Variants in DPF3 observed in about 807,000 individuals in gnomAD.
DPF3 encodes double PHD fingers 3, also known as zinc finger protein DPF3.
Under a neutral mutation model 56.8 loss-of-function variants are expected in DPF3, and 18 were observed. The observed-to-expected ratio is 0.32, with a 90% CI of 0.22 to 0.47. DPF3 has a LOEUF of 0.47. Ranked by LOEUF, DPF3 falls within the 20% of genes least tolerant of loss-of-function variation. DPF3 has a pLI of 1.00. For missense variants in DPF3, 403 were observed against 488.8 expected (o/e 0.82, Z 1.65); for synonymous variants, 188 against 180.2 (o/e 1.04, Z -0.35).
chr14:72,793,197 C>G (rs933771851), intron 1 of DPF3, among the ~76,000 whole-genome samples: 1 of 152,188 alleles, frequency 6.6e-6, no homozygotes, highest in Non-Finnish European at 1.5e-5. Context: ...TGAAGGAGAT[C>G]TGGAAAGAAA....
At chr14:72,866,296 C>T (rs1429339548) in intron 1 of DPF3, among the ~76,000 whole-genome samples, 1 of 137,790 alleles carries the variant, frequency 7.3e-6, no homozygotes, top group African/African-American at 2.6e-5. Context: ...ATTAATCACC[C>T]TCAACATTCA....
chr14:72,828,942 G>A (rs143768322), intron 1 of DPF3, among the ~76,000 whole-genome samples: 45 of 152,338 alleles, frequency 3.0e-4, no homozygotes, highest in African/African-American at 9.4e-4. Context: ...TCCCACTGGA[G>A]ATAGGAGGAA....
chr14:72,680,674 C>T (rs1197278665), intron 7 of DPF3, among the ~76,000 whole-genome samples: 6 of 152,258 alleles, frequency 3.9e-5, no homozygotes, highest in African/African-American at 1.4e-4. Context: ...CTGTCACACT[C>T]CGCACCGTCA....
At chr14:72,635,757 T>C (rs1428280803) in intron 8 of DPF3, among the ~76,000 whole-genome samples, 3 of 152,248 alleles carry the variant, frequency 2.0e-5, no homozygotes, top group Admixed American at 2.0e-4. Flanking sequence ...TGCTATGACA[T>C]GTGTCTCTTA....
chr14:72,817,197 G>A (rs1883326377), intron 1 of DPF3, among the ~76,000 whole-genome samples: 1 of 152,202 alleles, frequency 6.6e-6, no homozygotes, highest in African/African-American at 2.4e-5. Flanking sequence ...ACCCAGGTAA[G>A]CCTAAATGGC....
chr14:72,861,737 G>GAGAAAGAGAAAGAAAGAA (rs1555513991), intron 1 of DPF3, among the ~76,000 whole-genome samples: 6 of 84,536 alleles, frequency 7.1e-5, no homozygotes, highest in African/African-American at 2.3e-4. Flanking sequence ...AAGAAAGAAA[G>GAGAAAGAGAAAGAAAGAA]AGAAAGAAAG....
intron 8 of DPF3, among the ~76,000 whole-genome samples, chr14:72,672,052 C>T (rs866045278): frequency 1.7e-5 from 2 of 119,052 alleles, no homozygotes; most frequent in African/African-American, 6.8e-5. Context: ...CACACACACA[C>T]ACACACAGAC....
chr14:72,777,522 T>C (rs983900599), intron 1 of DPF3, among the ~76,000 whole-genome samples: 8 of 152,152 alleles, frequency 5.3e-5, no homozygotes, highest in African/African-American at 1.9e-4. Context: ...GTGATGGTGT[T>C]TGGAGATGGA....
chr14:72,871,472 C>A (rs1234674579), intron 1 of DPF3, among the ~76,000 whole-genome samples: 2 of 152,186 alleles, frequency 1.3e-5, no homozygotes, highest in African/African-American at 4.8e-5. Context: ...AAATTGGCCA[C>A]AACAAAGGGT....
At chr14:72,868,601 C>T (rs73306216) in intron 1 of DPF3, among the ~76,000 whole-genome samples, 33,663 of 151,954 alleles carry the variant, frequency 0.22, 4,229 homozygotes, top group African/African-American at 0.35. Context: ...CAGAGGACAC[C>T]TTGAGAAAAC....
intron 1 of DPF3, among the ~76,000 whole-genome samples, chr14:72,856,485 C>T (rs17781643): frequency 0.073 from 11,056 of 152,198 alleles, 629 homozygotes; most frequent in South Asian, 0.18. Flanking sequence ...TCTCAGCCTG[C>T]TCTGTGAAGG....
intron 2 of DPF3, among the ~76,000 whole-genome samples, chr14:72,758,887 A>G (rs1890950121): frequency 6.6e-6 from 1 of 152,222 alleles, no homozygotes; most frequent in Admixed American, 6.5e-5. Flanking sequence ...AAATATATCT[A>G]CAGCATTCAG....
chr14:72,823,109 G>A (rs1333974205), intron 1 of DPF3, among the ~76,000 whole-genome samples: 1 of 152,216 alleles, frequency 6.6e-6, no homozygotes, highest in East Asian at 1.9e-4. Context: ...GGGTTGGCGA[G>A]GGAAGGTGGT....
intron 1 of DPF3, among the ~76,000 whole-genome samples, chr14:72,797,633 G>C (rs961780743): frequency 6.6e-5 from 10 of 152,144 alleles, no homozygotes; most frequent in Admixed American, 2.6e-4. Flanking sequence ...ATTTTTAAAT[G>C]GGGTTGGCTG....
chr14:72,870,203 G>T (rs1187943852), intron 1 of DPF3, among the ~76,000 whole-genome samples: 1 of 152,150 alleles, frequency 6.6e-6, no homozygotes, highest in Non-Finnish European at 1.5e-5. Context: ...GCACAAGAAG[G>T]TCACAGATGA....
chr14:72,774,048 G>C (rs1891656418), intron 1 of DPF3: 2 of 446,856 alleles, frequency 4.5e-6, no homozygotes, highest in Admixed American at 4.8e-5. Flanking sequence ...ACTTTGGGAG[G>C]CTGAGGTGGG....
At chr14:72,812,562 AC>A (rs1883097887) in intron 1 of DPF3, among the ~76,000 whole-genome samples, 1 of 152,114 alleles carries the variant, frequency 6.6e-6, no homozygotes, top group African/African-American at 2.4e-5. Context: ...ACCGAGAGCC[AC>A]CTGAGCTGCA....
chr14:72,823,705 A>G (rs1464268753), intron 1 of DPF3, among the ~76,000 whole-genome samples: 2 of 152,216 alleles, frequency 1.3e-5, no homozygotes, highest in Non-Finnish European at 2.9e-5. Flanking sequence ...GAACAAGGAA[A>G]AATTGGGGGC....
intron 3 of DPF3, among the ~76,000 whole-genome samples, chr14:72,751,062 C>T (rs966850372): frequency 1.9e-4 from 29 of 152,178 alleles, no homozygotes; most frequent in South Asian, 1.9e-3. Context: ...TGGTGGCATG[C>T]ACTTGTAGTC....
Sources: gnomAD v4.1 joint callset for allele counts (sites outside exome capture counted in the v4.1 genomes callset) on GRCh38, gnomAD v4.1.1 for gene constraint, MANE v1.5 for transcripts, NCBI Gene and HGNC (gene_info 2026-07-23, HGNC 2026-07-21) for gene names.